Variants in AK7 observed in about 807,000 individuals in gnomAD.
AK7 encodes ATP-AMP transphosphorylase 7.
AK7 carries 78 observed loss-of-function variants against 96.6 expected under a neutral mutation model. That is an observed-to-expected ratio of 0.81 (90% CI 0.67 to 0.97). The LOEUF (loss-of-function observed/expected upper bound fraction) is 0.97, where lower values mean the gene tolerates loss of function less well. Ranked by LOEUF, AK7 falls within the 50% of genes least tolerant of loss-of-function variation. The pLI is 0.00. For missense variants in AK7, 855 were observed against 887.9 expected, an observed-to-expected ratio of 0.96 and a Z score of 0.47; for synonymous variants, 302 against 317.2, an observed-to-expected ratio of 0.95 and a Z score of 0.51.
intron 12 of AK7, among the ~76,000 whole-genome samples, chr14:96,466,978 G>A (rs556507082): frequency 4.7e-5 from 7 of 149,108 alleles, no homozygotes; most frequent in Non-Finnish European, 8.9e-5. Flanking sequence ...AATAAAAAAT[G>A]TAACTGAAAG....
intron 2 of AK7, among the ~76,000 whole-genome samples, chr14:96,402,196 C>G (rs963878636): frequency 6.6e-6 from 1 of 151,648 alleles, no homozygotes; most frequent in African/African-American, 2.4e-5. Flanking sequence ...CACACACACA[C>G]ACACACACAC....
chr14:96,483,045 G>T lies in AK7; in HGVS notation c.1800G>T (p.Gln600His). 1 of 1,614,192 alleles carries T rather than the reference G, an allele frequency of 6.2e-7. No homozygotes were observed. The highest frequency in any genetic ancestry group is 8.5e-7 in the Non-Finnish European group (1 of 1,180,032). Reference protein sequence around the residue: ...EDAQNRLAIKQLIKEIGEPRN... With the variant: ...EDAQNRLAIKHLIKEIGEPRN... ...CTCAGAATAGACTTGCTATCAAACA[G>T]CTCATCAAAGAGATTGGGGAGCCTC... The change falls in exon 16 of 18, where the codon CAG becomes CAT. Residue 600 changes from glutamine to histidine, a missense_variant. By Grantham distance (24) the Gln-to-His change is conservative (BLOSUM62 0). Coordinates refer to ENST00000267584, the MANE Select transcript of AK7 (RefSeq NM_152327.5).
chr14:96,463,288 A>G (rs1894361380), intron 12 of AK7, among the ~76,000 whole-genome samples: 1 of 152,138 alleles, frequency 6.6e-6, no homozygotes, highest in Non-Finnish European at 1.5e-5. Flanking sequence ...CTTCCACAAG[A>G]CTTTATTAAA....
At chr14:96,401,403 G>A (rs1320216895) in intron 2 of AK7, among the ~76,000 whole-genome samples, 2 of 152,202 alleles carry the variant, frequency 1.3e-5, no homozygotes, top group Non-Finnish European at 2.9e-5. Context: ...AAGTCCTGCA[G>A]ATGGCCCTCC....
intron 5 of AK7, among the ~76,000 whole-genome samples, chr14:96,433,805 T>C (rs1892490381): frequency 6.6e-6 from 1 of 152,212 alleles, no homozygotes; most frequent in Non-Finnish European, 1.5e-5. Flanking sequence ...TCAAGCTCAT[T>C]CTTTCTTCTT....
chr14:96,447,820 T>C (rs1487642191), intron 8 of AK7, among the ~76,000 whole-genome samples: 1 of 152,170 alleles, frequency 6.6e-6, no homozygotes, highest in East Asian at 1.9e-4. Flanking sequence ...CAGCTTCCTC[T>C]TCCAGTCCAG....
chr14:96,398,409 A>C, intron 2 of AK7, 146 bp downstream of exon 2: 1 of 795,208 alleles, frequency 1.3e-6, no homozygotes, highest in Non-Finnish European at 2.0e-6. Context: ...TTCTCCTGTA[A>C]TGGAGATTTA....
intron 5 of AK7, among the ~76,000 whole-genome samples, chr14:96,427,426 A>G (rs766045077): frequency 6.6e-6 from 1 of 152,166 alleles, no homozygotes; most frequent in Non-Finnish European, 1.5e-5. Context: ...GCTGCTACAC[A>G]CTTTTATAAA....
At chr14:96,432,955 C>G (rs1892442495) in intron 5 of AK7, among the ~76,000 whole-genome samples, 1 of 152,174 alleles carries the variant, frequency 6.6e-6, no homozygotes, top group Non-Finnish European at 1.5e-5. Flanking sequence ...GATCACGCCA[C>G]TGCACTCCAG....
intron 2 of AK7, among the ~76,000 whole-genome samples, chr14:96,401,090 G>A (rs1890383546): frequency 6.6e-6 from 1 of 152,120 alleles, no homozygotes; most frequent in Admixed American, 6.5e-5. Flanking sequence ...ATAGCCATGT[G>A]CCTTAGTCCT....
At chr14:96,456,028 C>G (rs1455292005) in intron 10 of AK7, among the ~76,000 whole-genome samples, 3 of 151,854 alleles carry the variant, frequency 2.0e-5, no homozygotes, top group African/African-American at 7.3e-5. Flanking sequence ...CACTTGAGAC[C>G]AGGAGTTTGA....
At position 96,488,353 on chromosome 14, in the gene AK7, G is replaced by T. The variant is rs1264721399; in HGVS notation, c.*10G>T. 1.1e-5 allele frequency: 17 copies of T among 1,610,158 alleles called. No individual in the cohort carries two copies. Among genetic ancestry groups the T allele is most frequent in the Non-Finnish European group, 1.1e-5 (13 of 1,177,074 alleles). ...TCCTGAAGCACAGTGAAACTTGAAAGATCTGGTATTATCTACCTTTACAGA... is the reference window on the plus strand; with the variant it reads ...TCCTGAAGCACAGTGAAACTTGAAATATCTGGTATTATCTACCTTTACAGA... On this transcript the variant is annotated 3_prime_UTR_variant, in exon 18 of 18. Transcript: ENST00000267584.
chr14:96,424,008 G>T lies in AK7; in HGVS notation c.609+3076G>T, dbSNP rs1050256988. ...GATCCTTCCTGCTTGGAGCATCCGGGTCTGTCAAGACCCAGGTGTAGAGTT... is the reference window on the plus strand; with the variant it reads ...GATCCTTCCTGCTTGGAGCATCCGGTTCTGTCAAGACCCAGGTGTAGAGTT... On this transcript the variant is annotated intron_variant, in intron 5 of 17. Coordinates refer to ENST00000267584, the MANE Select transcript of AK7 (RefSeq NM_152327.5). 3 of 800,598 alleles carry T rather than the reference G, an allele frequency of 3.7e-6. No individual in the cohort carries two copies. In the Admixed American group the frequency reaches 5.2e-5, roughly 14 times the overall value. 49.6% of individuals were successfully genotyped at this position (800,598 alleles called of 1,614,324 possible).
At chr14:96,472,484 T>C (rs1894952028) in intron 13 of AK7, among the ~76,000 whole-genome samples, 1 of 152,228 alleles carries the variant, frequency 6.6e-6, no homozygotes, top group South Asian at 2.1e-4. Context: ...CTGAATAGTA[T>C]TCTGTTGGAT....
At chr14:96,456,540 G>C in intron 11 of AK7, 65 bp downstream of exon 11, 1 of 1,550,198 alleles carries the variant, frequency 6.5e-7, no homozygotes. Context: ...AGGGTATAAA[G>C]ATGTATATGA....
intron 4 of AK7, among the ~76,000 whole-genome samples, chr14:96,410,025 T>C (rs752903124): frequency 1.3e-5 from 2 of 152,202 alleles, no homozygotes; most frequent in Non-Finnish European, 2.9e-5. Flanking sequence ...TGTTCTAATT[T>C]CAGAAATGCT....
At chr14:96,471,684 A>G (rs1023182087) in intron 13 of AK7, 78 bp downstream of exon 13, 72 of 1,203,270 alleles carry the variant, frequency 6.0e-5, no homozygotes, top group Non-Finnish European at 7.9e-5. Flanking sequence ...TAGTCACTCA[A>G]TTAAAGTAAA....
intron 5 of AK7, among the ~76,000 whole-genome samples, chr14:96,426,347 T>C (rs1307407299): frequency 6.6e-6 from 1 of 152,230 alleles, no homozygotes; most frequent in Non-Finnish European, 1.5e-5. Flanking sequence ...CTTTTTGATG[T>C]TTCTATTTAT....
chr14:96,413,512 G>A (rs543956966), intron 4 of AK7, among the ~76,000 whole-genome samples: 10 of 152,170 alleles, frequency 6.6e-5, no homozygotes, highest in Admixed American at 1.3e-4. Context: ...TGCGCCTGCC[G>A]GGCAACCCCT....
Sources: allele counts gnomAD v4.1 joint callset (sites outside exome capture counted in the v4.1 genomes callset), GRCh38; gene constraint gnomAD v4.1.1; transcripts MANE v1.5; gene names NCBI Gene and HGNC (gene_info 2026-07-23, HGNC 2026-07-21).